LOC400499: variants seen among roughly 807,000 people sequenced by gnomAD.
At chr16:11,495,864 G>C in the LOC400499 span, among the ~76,000 whole-genome samples, 1 of 152,198 alleles carries the variant, frequency 6.6e-6, no homozygotes, top group Non-Finnish European at 1.5e-5. Flanking sequence ...ATAGAACTGA[G>C]ACTTAACCCA....
chr16:11,450,274 T>G, the LOC400499 span, among the ~76,000 whole-genome samples: 2 of 152,272 alleles, frequency 1.3e-5, no homozygotes, highest in Non-Finnish European at 2.9e-5. Context: ...TCAAACCGAC[T>G]TACGTCCTAG....
At chr16:11,419,036 G>A in the LOC400499 span, among the ~76,000 whole-genome samples, 2 of 152,056 alleles carry the variant, frequency 1.3e-5, no homozygotes, top group Non-Finnish European at 2.9e-5. Flanking sequence ...CATAGTAGTG[G>A]GTGTCTATAA....
the LOC400499 span, chr16:11,414,383 C>G: frequency 7.5e-6 from 3 of 399,504 alleles, no homozygotes; most frequent in African/African-American, 2.1e-5. Flanking sequence ...AGAGCAGGCA[C>G]TGTGTGGCTG....
chr16:11,403,436 C>G, the LOC400499 span, among the ~76,000 whole-genome samples: 1 of 152,136 alleles, frequency 6.6e-6, no homozygotes, highest in Non-Finnish European at 1.5e-5. Flanking sequence ...CATGCACACA[C>G]GTGCATGTAT....
chr16:11,447,695 G>A, the LOC400499 span, among the ~76,000 whole-genome samples: 1 of 152,060 alleles, frequency 6.6e-6, no homozygotes, highest in East Asian at 1.9e-4. Flanking sequence ...AGCAGCTCCA[G>A]GCTAGGATGA....
the LOC400499 span, among the ~76,000 whole-genome samples, chr16:11,408,975 G>A: frequency 1.3e-5 from 2 of 151,808 alleles, no homozygotes; most frequent in African/African-American, 4.8e-5. Flanking sequence ...ATAAAATGTT[G>A]GGGGGCCAGA....
the LOC400499 span, among the ~76,000 whole-genome samples, chr16:11,450,122 C>T: frequency 2.0e-5 from 3 of 152,240 alleles, no homozygotes; most frequent in Non-Finnish European, 2.9e-5. Flanking sequence ...ACCTTCCCCA[C>T]ATCCACGCAT....
chr16:11,417,120 C>T, the LOC400499 span, among the ~76,000 whole-genome samples: 9 of 151,256 alleles, frequency 6.0e-5, no homozygotes, highest in Non-Finnish European at 8.8e-5. Flanking sequence ...CCCACCCCCC[C>T]TCACCCTCTG....
the LOC400499 span, chr16:11,440,946 G>A: frequency 7.5e-6 from 3 of 398,986 alleles, no homozygotes; most frequent in African/African-American, 6.2e-5. Flanking sequence ...TACCTGGTAG[G>A]AATGGGCCAA....
At chr16:11,487,505 C>G in the LOC400499 span, 3 of 390,024 alleles carry the variant, frequency 7.7e-6, no homozygotes, top group Non-Finnish European at 1.3e-5. Flanking sequence ...CCCACCCCTC[C>G]CTGGCCAGGA....
At chr16:11,521,541 C>T in the LOC400499 span, among the ~76,000 whole-genome samples, 5 of 152,134 alleles carry the variant, frequency 3.3e-5, no homozygotes, top group African/African-American at 4.8e-5. Flanking sequence ...CAGGGCAGGC[C>T]TTGCTGGGAA....
chr16:11,471,964 G>C, the LOC400499 span: 1 of 396,996 alleles, frequency 2.5e-6, no homozygotes, highest in Non-Finnish European at 4.4e-6. Flanking sequence ...CTCCTGTGAG[G>C]CAGTGGTGTG....
the LOC400499 span, among the ~76,000 whole-genome samples, chr16:11,423,720 A>G: frequency 2.6e-5 from 4 of 152,186 alleles, no homozygotes; most frequent in African/African-American, 9.7e-5. Context: ...AGAACAATAA[A>G]GAGGACAGCT....
At chr16:11,466,587 C>T in the LOC400499 span, among the ~76,000 whole-genome samples, 45,236 of 151,768 alleles carry the variant, frequency 0.3, 7,003 homozygotes, top group Admixed American at 0.42. Flanking sequence ...CGGGGTTTTG[C>T]CATGTTGTTC....
At chr16:11,466,419 G>A in the LOC400499 span, among the ~76,000 whole-genome samples, 1 of 151,012 alleles carries the variant, frequency 6.6e-6, no homozygotes, top group Admixed American at 6.6e-5. Context: ...ATGGAGTCTC[G>A]CTCTGTTGCC....
At chr16:11,496,352 C>T in the LOC400499 span, among the ~76,000 whole-genome samples, 3 of 152,184 alleles carry the variant, frequency 2.0e-5, no homozygotes, top group Non-Finnish European at 4.4e-5. Flanking sequence ...CAGGAGTGAG[C>T]CACCACGCCC....
the LOC400499 span, chr16:11,424,287 G>A: frequency 2.8e-5 from 11 of 399,398 alleles, no homozygotes; most frequent in East Asian, 2.5e-4. Flanking sequence ...CAGGCGTGCT[G>A]AGCAGTTGGA....
the LOC400499 span, chr16:11,457,111 T>C: frequency 1.4e-6 from 2 of 1,430,458 alleles, no homozygotes; most frequent in Non-Finnish European, 1.8e-6. Flanking sequence ...GCCCGGGAAG[T>C]TGAGGCAGCA....
At chr16:11,483,117 A>G in the LOC400499 span, among the ~76,000 whole-genome samples, 1 of 152,178 alleles carries the variant, frequency 6.6e-6, no homozygotes, top group African/African-American at 2.4e-5. Flanking sequence ...AGATACCACA[A>G]CGCATTATTA....
Sources: allele counts gnomAD v4.1 joint callset (sites outside exome capture counted in the v4.1 genomes callset), GRCh38; gene constraint gnomAD v4.1.1; transcripts MANE v1.5.